SCLT1: variants seen among roughly 807,000 people sequenced by gnomAD.
SCLT1 encodes sodium channel and clathrin linker 1, also known as sodium channel-associated protein 1.
In SCLT1, 78 loss-of-function variants were observed where a neutral mutation model predicts 112.8. That is an observed-to-expected ratio of 0.69 (90% CI 0.58 to 0.83). The LOEUF is 0.83. Among genes scored for constraint, SCLT1 ranks in the 40% least tolerant of loss-of-function variants. The probability of loss-of-function intolerance (pLI) is 0.00; values close to 1 mark genes in which losing one functional copy is unlikely to be tolerated. For synonymous variants in SCLT1, 257 were observed against 254.7 expected, an observed-to-expected ratio of 1.01 and a Z score of -0.09; for missense variants, 747 against 770.4, an observed-to-expected ratio of 0.97 and a Z score of 0.36.
chr4:129,074,903 T>C (rs1751329564), intron 2 of SCLT1, among the ~76,000 whole-genome samples: 1 of 152,118 alleles, frequency 6.6e-6, no homozygotes, highest in Non-Finnish European at 1.5e-5. Flanking sequence ...GGTCTTGCTA[T>C]GTTCCTCAGG....
intron 1 of SCLT1, among the ~76,000 whole-genome samples, chr4:129,088,579 T>G (rs982634550): frequency 6.6e-6 from 1 of 152,222 alleles, no homozygotes; most frequent in Non-Finnish European, 1.5e-5. Flanking sequence ...AAACTTTTTA[T>G]TTTCAGATTA....
chr4:128,945,015 A>G (rs1738024795), intron 16 of SCLT1: 1 of 152,150 alleles, frequency 6.6e-6, no homozygotes, highest in Admixed American at 6.6e-5. Flanking sequence ...AAGGTCTTTT[A>G]CCCAGTCCTC....
intron 18 of SCLT1, among the ~76,000 whole-genome samples, chr4:128,927,864 G>T (rs1433764811): frequency 3.3e-5 from 5 of 151,816 alleles, no homozygotes; most frequent in Admixed American, 6.6e-5. Flanking sequence ...GAGAAACTCT[G>T]ATAAGAGTGA....
chr4:129,046,164 C>A (rs1748157960), intron 2 of SCLT1, among the ~76,000 whole-genome samples: 1 of 152,070 alleles, frequency 6.6e-6, no homozygotes, highest in South Asian at 2.1e-4. Flanking sequence ...CAACAGAATA[C>A]AAGTACTCTT....
chr4:128,891,005 A>G (rs1331305926), intron 19 of SCLT1, 54 bp downstream of exon 19: 13 of 1,247,842 alleles, frequency 1.0e-5, no homozygotes, highest in Non-Finnish European at 1.5e-5. Flanking sequence ...AAATTCTATA[A>G]CATGTGTATC....
Position 129,084,634 on chromosome 4 carries a change from A to G in SCLT1, c.35-2261T>C, listed in dbSNP as rs185605946. Among the ~76,000 whole-genome samples the G allele has an allele frequency of 3.3e-5, 5 of 152,320 alleles. No individual in the cohort carries two copies. The East Asian group carries it at 9.6e-4, about 29-fold the overall frequency. ...TAACTTAGAACTACACTACAGGGCCACAGTAACCAAAACAGCATGGTACTG... is the reference window on the plus strand; with the variant it reads ...TAACTTAGAACTACACTACAGGGCCGCAGTAACCAAAACAGCATGGTACTG... On this transcript the variant is annotated intron_variant, in intron 1 of 20. Coordinates refer to ENST00000281142, the MANE Select transcript of SCLT1 (RefSeq NM_144643.4).
At chr4:128,984,306 T>C (rs999539741) in intron 9 of SCLT1, among the ~76,000 whole-genome samples, 5 of 152,180 alleles carry the variant, frequency 3.3e-5, no homozygotes, top group African/African-American at 1.2e-4. Context: ...CTCACTGCTG[T>C]GAATACTGTC....
chr4:129,043,747 T>C (rs532341041), intron 3 of SCLT1, among the ~76,000 whole-genome samples: 12 of 152,298 alleles, frequency 7.9e-5, no homozygotes, highest in African/African-American at 1.9e-4. Context: ...TCACTTTCCA[T>C]AGTAGTGACA....
At chr4:129,065,465 G>C (rs1260936790) in intron 2 of SCLT1, among the ~76,000 whole-genome samples, 4 of 151,944 alleles carry the variant, frequency 2.6e-5, no homozygotes, top group African/African-American at 9.7e-5. Flanking sequence ...TTTGTAAAGG[G>C]CCTGACCATA....
intron 16 of SCLT1, 108 bp downstream of exon 16, chr4:128,945,899 A>AT: frequency 5.0e-6 from 3 of 602,634 alleles, no homozygotes; most frequent in Non-Finnish European, 8.3e-6. Context: ...TTTTTTCAAC[A>AT]TAAGATATAT....
intron 9 of SCLT1, among the ~76,000 whole-genome samples, chr4:128,990,282 A>G (rs1440106944): frequency 6.6e-6 from 1 of 152,054 alleles, no homozygotes; most frequent in Admixed American, 6.6e-5. Context: ...CCAGGGATGC[A>G]TGGATGGTTC....
At chr4:128,974,043 A>G (rs1049281267) in intron 9 of SCLT1, among the ~76,000 whole-genome samples, 1 of 152,222 alleles carries the variant, frequency 6.6e-6, no homozygotes, top group Admixed American at 6.5e-5. Flanking sequence ...TAGTATCTAT[A>G]AAATGGAGAT....
intron 18 of SCLT1, among the ~76,000 whole-genome samples, chr4:128,903,867 T>G (rs1016382241): frequency 6.6e-6 from 1 of 152,114 alleles, no homozygotes; most frequent in East Asian, 1.9e-4. Flanking sequence ...TTCCCTTCAT[T>G]AGAGAAAATA....
At chr4:129,089,270 T>C (rs1234447678) in intron 1 of SCLT1, among the ~76,000 whole-genome samples, 1 of 152,228 alleles carries the variant, frequency 6.6e-6, no homozygotes, top group African/African-American at 2.4e-5. Context: ...TCATCATCAC[T>C]GGTTATTAGA....
At chr4:128,940,429 GTTT>G (rs907656168) in intron 17 of SCLT1, among the ~76,000 whole-genome samples, 7 of 151,624 alleles carry the variant, frequency 4.6e-5, no homozygotes, top group African/African-American at 1.5e-4. Flanking sequence ...CTACATAATT[GTTT>G]TTATTTATGA....
intron 4 of SCLT1, chr4:128,874,978 A>G (rs1420246233): frequency 1.3e-5 from 2 of 152,088 alleles, no homozygotes; most frequent in African/African-American, 4.9e-5. Context: ...CTATGTGCCT[A>G]GCTTGGTGTC....
intron 5 of SCLT1, among the ~76,000 whole-genome samples, chr4:129,023,578 C>T (rs757678368): frequency 2.0e-5 from 3 of 152,314 alleles, no homozygotes; most frequent in South Asian, 2.1e-4. Flanking sequence ...CGAATAGGAA[C>T]AGCTCGGGTC....
intron 2 of SCLT1, among the ~76,000 whole-genome samples, chr4:129,076,227 A>T (rs577861389): frequency 6.6e-6 from 1 of 152,300 alleles, no homozygotes; most frequent in Non-Finnish European, 1.5e-5. Context: ...TCCTGTCCCC[A>T]GAGCTTACCT....
At chr4:129,058,429 C>A (rs1285541278) in intron 2 of SCLT1, among the ~76,000 whole-genome samples, 1 of 152,036 alleles carries the variant, frequency 6.6e-6, no homozygotes, top group Non-Finnish European at 1.5e-5. Context: ...TCACTTGTTT[C>A]AAGAAATTTT....
Sources: allele counts gnomAD v4.1 joint callset (sites outside exome capture counted in the v4.1 genomes callset), GRCh38; gene constraint gnomAD v4.1.1; transcripts MANE v1.5; gene names NCBI Gene and HGNC (gene_info 2026-07-23, HGNC 2026-07-21).